KCNQ1: variants seen among roughly 807,000 people sequenced by gnomAD.
KCNQ1 encodes potassium voltage-gated channel subfamily KQT member 1.
Under a neutral mutation model 72.4 loss-of-function variants are expected in KCNQ1, and 49 were observed. The ratio of observed to expected loss-of-function variants is 0.68; its 90% confidence interval spans 0.54 to 0.86. The LOEUF (loss-of-function observed/expected upper bound fraction) is 0.86, where lower values mean the gene tolerates loss of function less well. Ranked by LOEUF, KCNQ1 falls within the 40% of genes least tolerant of loss-of-function variation. KCNQ1 has a pLI of 0.00. For missense variants in KCNQ1, 790 were observed against 945.1 expected, an observed-to-expected ratio of 0.84 and a Z score of 2.15; for synonymous variants, 450 against 412.6, an observed-to-expected ratio of 1.09 and a Z score of -1.10.
intron 5 of KCNQ1, 53 bp downstream of exon 5, chr11:2,572,162 G>C (rs1848347501): frequency 7.3e-7 from 1 of 1,373,270 alleles, no homozygotes; most frequent in Non-Finnish European, 1.0e-6. Flanking sequence ...AGGACGGAGG[G>C]AGCAGAGCAG....
Position 2,769,502 on chromosome 11 carries a change from A to G in KCNQ1, c.1590+583A>G, listed in dbSNP as rs1383595378. ...AAGCTGCCCTAACTTCTCCAGGGGC[A>G]TGTCCCCCCTACAGAAGCCCCTTAG... On this transcript the variant is annotated intron_variant, in intron 12 of 15. Coordinates refer to ENST00000155840, the MANE Select transcript of KCNQ1 (RefSeq NM_000218.3). This position sits in a 1 kb window ranked among gnomAD's most constrained non-coding sequence, Gnocchi z 4.6. 6.6e-6 allele frequency among the ~76,000 whole-genome samples: 1 copy of G among 152,182 alleles called. No individual in the cohort carries two copies. The highest frequency in any genetic ancestry group is 1.5e-5 in the Non-Finnish European group (1 of 68,022).
chr11:2,791,078 A>G (rs1468658801), intron 15 of KCNQ1, among the ~76,000 whole-genome samples: 2 of 152,208 alleles, frequency 1.3e-5, no homozygotes, highest in Non-Finnish European at 2.9e-5. Flanking sequence ...ATAGGCCTCC[A>G]ATATTGGCCA....
At chr11:2,701,306 C>T (rs921261573) in intron 11 of KCNQ1, among the ~76,000 whole-genome samples, 3 of 152,198 alleles carry the variant, frequency 2.0e-5, no homozygotes, top group Non-Finnish European at 2.9e-5. Context: ...CCTTCAGCAA[C>T]GACGCCCAGA....
rs974020415 is a variant in KCNQ1, at chr11:2,603,360, C to T, written c.1393+14506C>T. ...GAAAAATGGCACTGATAGACTTGCT[C>T]AGTGCAGGCTTACCACACACATTTA... On this transcript the variant is annotated intron_variant, in intron 10 of 15. Coordinates refer to ENST00000155840, the MANE Select transcript of KCNQ1 (RefSeq NM_000218.3). The surrounding 1 kb of genome is among the most constrained non-coding windows in gnomAD (Gnocchi z 4.1). 1.3e-5 allele frequency among the ~76,000 whole-genome samples: 2 copies of T among 152,176 alleles called. No individual in the cohort carries two copies. Among genetic ancestry groups the T allele is most frequent in the Admixed American group, 6.5e-5 (1 of 15,280 alleles).
chr11:2,653,894 G>GGAAGATTTGA lies in KCNQ1; in HGVS notation c.1394-8062_1394-8053dup, dbSNP rs1376014663. 9 of 398,566 alleles carry GGAAGATTTGA rather than the reference G, an allele frequency of 2.3e-5. No individual in the cohort carries two copies. Among genetic ancestry groups the GGAAGATTTGA allele is most frequent in the African/African-American group, 1.9e-4 (9 of 48,628 alleles). 24.7% of individuals were successfully genotyped at this position (398,566 alleles called of 1,614,324 possible). A position where few individuals can be genotyped will look rare whatever the true frequency, so the allele number is the denominator to read the frequency against. The stretch of plus-strand genomic sequence containing the variant: ...GAGTGGGAAAGGAAGAGCCCCCTAA[G>GGAAGATTTGA]GAAGATTTGAGAAGCTGTTCCCAGA... On this transcript the variant is annotated intron_variant, in intron 10 of 15. Coordinates refer to ENST00000155840, the MANE Select transcript of KCNQ1 (RefSeq NM_000218.3). This position sits in a 1 kb window ranked among gnomAD's most constrained non-coding sequence, Gnocchi z 5.3.
In KCNQ1 at chr11:2,664,178, A is replaced by G. The variant is rs1850020989; in HGVS notation, c.1514+2097A>G. ...GCTGTTCCAAAAGTGGCTGCTAGATATGAGCCAGCCTGGGAAGGCAGGAAG... is the reference window on the plus strand; with the variant it reads ...GCTGTTCCAAAAGTGGCTGCTAGATGTGAGCCAGCCTGGGAAGGCAGGAAG... On this transcript the variant is annotated intron_variant, in intron 11 of 15. Transcript: ENST00000155840. The surrounding 1 kb of genome is among the most constrained non-coding windows in gnomAD (Gnocchi z 5.1). 3 of 398,712 alleles carry G rather than the reference A, an allele frequency of 7.5e-6. No homozygotes were observed. Among genetic ancestry groups the G allele is most frequent in the Non-Finnish European group, 1.3e-5 (3 of 226,192 alleles). 24.7% of individuals were successfully genotyped at this position (398,712 alleles called of 1,614,324 possible).
rs1589918803 is a variant in KCNQ1 at position 2,508,226 on chromosome 11, A to C, written c.387-19702A>C. 6.6e-6 allele frequency among the ~76,000 whole-genome samples: 1 copy of C among 152,208 alleles called. No individual in the cohort carries two copies. The highest frequency in any genetic ancestry group is 1.5e-5 in the Non-Finnish European group (1 of 68,032). ...TGTTTGAGGTACCACAACCTCCACC[A>C]ACCCATGGTGGTCACCAAGGGTCTT... On this transcript the variant is annotated intron_variant, in intron 1 of 15. Coordinates refer to ENST00000155840, the MANE Select transcript of KCNQ1 (RefSeq NM_000218.3). This position sits in a 1 kb window ranked among gnomAD's most constrained non-coding sequence, Gnocchi z 6.2.
rs1218196490 is a variant in KCNQ1 at position 2,669,452 on chromosome 11, G to A, written c.1514+7371G>A. The A allele has an allele frequency of 2.5e-6, 1 of 398,632 alleles. No homozygotes were observed. Among genetic ancestry groups the A allele is most frequent in the Non-Finnish European group, 4.4e-6 (1 of 226,078 alleles). The allele number at this position is 398,632 out of a possible 1,614,324, so 24.7% of individuals were successfully genotyped here. A position where few individuals can be genotyped will look rare whatever the true frequency, so the allele number is the denominator to read the frequency against. ...ACTTTCATATCTTTTACCTTGCCCT[G>A]TAGTTTTCAGTGTGGTGGTCATGAA... is the stretch of plus-strand genomic sequence containing the variant. On this transcript the variant is annotated intron_variant, in intron 11 of 15. Transcript: ENST00000155840. This position sits in a 1 kb window ranked among gnomAD's most constrained non-coding sequence, Gnocchi z 5.6.
chr11:2,794,258 G>A (rs1379697830), intron 15 of KCNQ1, among the ~76,000 whole-genome samples: 4 of 152,226 alleles, frequency 2.6e-5, no homozygotes, highest in South Asian at 2.1e-4. Flanking sequence ...CCCCACCGAT[G>A]AGAACAAGCA....
chr11:2,584,718 TTGTGTG>T (rs147352462), intron 7 of KCNQ1, among the ~76,000 whole-genome samples: 11 of 151,848 alleles, frequency 7.2e-5, no homozygotes, highest in Admixed American at 5.9e-4. Context: ...TGCATATCTA[TTGTGTG>T]TGTGTGTGCA....
chr11:2,802,194 C>A (rs1335484719), intron 15 of KCNQ1, among the ~76,000 whole-genome samples: 1 of 152,236 alleles, frequency 6.6e-6, no homozygotes, highest in Non-Finnish European at 1.5e-5. Context: ...TTCAGCCACA[C>A]CCGCCTTCTG....
At position 2,824,322 on chromosome 11, in the gene KCNQ1, G is replaced by A. The variant is rs1399822044; in HGVS notation, c.1795-23445G>A. ...GGTGGAAAGAAGACAGATACGAGAG[G>A]GGATTTGGAGACACAATCCCCAGAC... On this transcript the variant is annotated intron_variant, in intron 15 of 15. Transcript: ENST00000155840. The surrounding 1 kb of genome is among the most constrained non-coding windows in gnomAD (Gnocchi z 5.9). Among the ~76,000 whole-genome samples, 5 of 152,064 alleles carry A rather than the reference G, an allele frequency of 3.3e-5. No individual in the cohort carries two copies. The highest frequency in any genetic ancestry group is 2.0e-4 in the Admixed American group (3 of 15,270).
chr11:2,737,223 C>T (rs1845972887), intron 11 of KCNQ1, among the ~76,000 whole-genome samples: 1 of 152,194 alleles, frequency 6.6e-6, no homozygotes, highest in African/African-American at 2.4e-5. Context: ...CCGAGAGCAT[C>T]TGGACTTGTT....
In KCNQ1 at chr11:2,678,960, A is replaced by T; in HGVS notation, c.1514+16879A>T. ...TGAATTTGCTAACTCAATAGAGAAC[A>T]AAAGAGCAAATAGGCCTAATTCAAG... On this transcript the variant is annotated intron_variant, in intron 11 of 15. Coordinates refer to ENST00000155840, the MANE Select transcript of KCNQ1 (RefSeq NM_000218.3). The surrounding 1 kb of genome is among the most constrained non-coding windows in gnomAD (Gnocchi z 4.9). The T allele has an allele frequency of 7.5e-6, 3 of 398,630 alleles. No homozygotes were observed. Among genetic ancestry groups the T allele is most frequent in the Non-Finnish European group, 1.3e-5 (3 of 226,074 alleles). The allele number at this position is 398,630 out of a possible 1,614,324, so 24.7% of individuals were successfully genotyped here.
chr11:2,662,656 C>G, intron 11 of KCNQ1: 1 of 406,576 alleles, frequency 2.5e-6, no homozygotes, highest in East Asian at 3.5e-5. Flanking sequence ...GATTCCCCTG[C>G]GACATGTGAC....
At position 2,475,667 on chromosome 11, in the gene KCNQ1, G is replaced by A. The variant is rs1846558818; in HGVS notation, c.386+30183G>A. 6.6e-6 allele frequency among the ~76,000 whole-genome samples: 1 copy of A among 152,178 alleles called. No individual in the cohort carries two copies. Among genetic ancestry groups the A allele is most frequent in the Non-Finnish European group, 1.5e-5 (1 of 68,018 alleles). On this transcript the variant is annotated intron_variant, in intron 1 of 15. Coordinates refer to ENST00000155840, the MANE Select transcript of KCNQ1 (RefSeq NM_000218.3). The surrounding 1 kb of genome is among the most constrained non-coding windows in gnomAD (Gnocchi z 5.8). The stretch of plus-strand genomic sequence containing the variant: ...GAAGACAGTGACGTGGTTTGTCACT[G>A]CCCGGATCTCATCTTGAATTCCCTG...
intron 2 of KCNQ1, among the ~76,000 whole-genome samples, chr11:2,556,619 C>T (rs985564266): frequency 1.3e-5 from 2 of 152,190 alleles, no homozygotes; most frequent in African/African-American, 4.8e-5. Context: ...AAAAGCTTGT[C>T]AAGCCCTGTT....
chr11:2,572,575 G>C (rs774997132), intron 5 of KCNQ1, among the ~76,000 whole-genome samples: 8 of 152,222 alleles, frequency 5.3e-5, no homozygotes, highest in Non-Finnish European at 7.4e-5. Flanking sequence ...TGGCAGGAAA[G>C]AGAGCTGGGC....
chr11:2,559,536 C>T lies in KCNQ1; in HGVS notation c.478-11092C>T, dbSNP rs1049032860. On this transcript the variant is annotated intron_variant, in intron 2 of 15. Transcript: ENST00000155840. This position sits in a 1 kb window ranked among gnomAD's most constrained non-coding sequence, Gnocchi z 4.9. ...TGGTGTCCGGGATGTGGGGACCAGA[C>T]GACAGCTGTCACCCACTTGCAGGGC... is the stretch of plus-strand genomic sequence containing the variant. Among the ~76,000 whole-genome samples, 22 of 152,206 alleles carry T rather than the reference C, an allele frequency of 1.4e-4. No individual in the cohort carries two copies. The highest frequency in any genetic ancestry group is 4.1e-4 in the South Asian group (2 of 4,834).
Sources: allele counts gnomAD v4.1 joint callset (sites outside exome capture counted in the v4.1 genomes callset), GRCh38; gene constraint gnomAD v4.1.1; non-coding constraint Gnocchi (gnomAD v3.1); transcripts MANE v1.5; gene names NCBI Gene and HGNC (gene_info 2026-07-23, HGNC 2026-07-21).